The following CBLB variants were observed in gnomAD, a reference collection of about 807,000 sequenced individuals.
CBLB encodes the protein Cbl proto-oncogene B.
Under a neutral mutation model 104.9 loss-of-function variants are expected in CBLB, and 31 were observed. That is an observed-to-expected ratio of 0.30 (90% confidence interval 0.22 to 0.40). The LOEUF is 0.40. Ranked by LOEUF, CBLB falls within the 10% of genes least tolerant of loss-of-function variation. The pLI, the probability that CBLB is intolerant of heterozygous loss-of-function variation, is 1.00. For missense variants in CBLB, 1,062 were observed against 1,214.6 expected, an observed-to-expected ratio of 0.87 and a Z score of 1.87; for synonymous variants, 440 against 422.6, an observed-to-expected ratio of 1.04 and a Z score of -0.51.
rs1436862708 is a variant in CBLB, at chr3:105,658,650, AC to A, written c.*319del. ...AAACAAAACTAAACTAAAAACAAGA[AC>A]AAACTGCAACTTTGCCAAACTGTAA... On this transcript the variant is annotated 3_prime_UTR_variant, in exon 19 of 19. Transcript: ENST00000394030. 2.4e-6 allele frequency: 1 copy of A among 416,240 alleles called. No individual in the cohort carries two copies. The highest frequency in any genetic ancestry group is 2.0e-5 in the African/African-American group (1 of 51,204). The allele number at this position is 416,240 out of a possible 1,614,324, so 25.8% of individuals were successfully genotyped here.
At chr3:105,863,579 C>A (rs777562264) in intron 2 of CBLB, among the ~76,000 whole-genome samples, 12 of 152,116 alleles carry the variant, frequency 7.9e-5, no homozygotes, top group Non-Finnish European at 5.9e-5. Flanking sequence ...AGAAAGTTGA[C>A]TTGTATTCTT....
Position 105,658,844 on chromosome 3 carries a change from G to T in CBLB, c.*126C>A. 3.9e-6 allele frequency: 4 copies of T among 1,026,294 alleles called. No homozygotes were observed. Among genetic ancestry groups the T allele is most frequent in the Non-Finnish European group, 4.4e-6 (3 of 677,940 alleles). 63.6% of individuals were successfully genotyped at this position (1,026,294 alleles called of 1,614,324 possible). A position where few individuals can be genotyped will look rare whatever the true frequency, so the allele number is the denominator to read the frequency against. The stretch of plus-strand genomic sequence containing the variant: ...CTCCTTTGAGAAGCTGCACTCCCAA[G>T]CCTCTTCTCAAGCTGCTACACGAGG... On this transcript the variant is annotated 3_prime_UTR_variant, in exon 19 of 19. Transcript: ENST00000394030.
chr3:105,770,428 A>G (rs2078736469), intron 4 of CBLB, among the ~76,000 whole-genome samples: 1 of 152,200 alleles, frequency 6.6e-6, no homozygotes, highest in Non-Finnish European at 1.5e-5. Flanking sequence ...TAGGAGCCGC[A>G]GCAGGACTTC....
chr3:105,830,945 A>G (rs939400655), intron 3 of CBLB, among the ~76,000 whole-genome samples: 1 of 152,222 alleles, frequency 6.6e-6, no homozygotes, highest in African/African-American at 2.4e-5. Flanking sequence ...AGTGACACCA[A>G]ACTTCTAAGT....
At chr3:105,744,854 A>AG (rs1183715500) in intron 6 of CBLB, among the ~76,000 whole-genome samples, 1 of 152,154 alleles carries the variant, frequency 6.6e-6, no homozygotes, top group African/African-American at 2.4e-5. Flanking sequence ...TGCTCGAACC[A>AG]GGGAGTCGAA....
In CBLB at chr3:105,655,843, A is replaced by T. The variant is rs2063305383; in HGVS notation, c.*3127T>A. The T allele has an allele frequency of 4.6e-6, 1 of 219,566 alleles. No homozygotes were observed. The highest frequency in any genetic ancestry group is 9.1e-6 in the Non-Finnish European group (1 of 109,424). The allele number at this position is 219,566 out of a possible 1,614,324, so 13.6% of individuals were successfully genotyped here. On this transcript the variant is annotated 3_prime_UTR_variant, in exon 19 of 19. Coordinates refer to ENST00000394030, the MANE Select transcript of CBLB (RefSeq NM_170662.5). Reference sequence around the variant, plus strand: ...TCAAGTTGAAAATCTGAGAGAAAAAATAACGTTCGAACTGTAGGAAATGCT... The same window carrying T: ...TCAAGTTGAAAATCTGAGAGAAAAATTAACGTTCGAACTGTAGGAAATGCT...
chr3:105,767,315 T>C (rs1460917665), intron 4 of CBLB, among the ~76,000 whole-genome samples: 3 of 152,106 alleles, frequency 2.0e-5, no homozygotes, highest in Non-Finnish European at 4.4e-5. Flanking sequence ...GCTAGAAGAA[T>C]ATATATCTCA....
At chr3:105,718,967 GA>G (rs1255531502) in intron 10 of CBLB, among the ~76,000 whole-genome samples, 1 of 152,174 alleles carries the variant, frequency 6.6e-6, no homozygotes, top group Admixed American at 6.5e-5. Flanking sequence ...CTGGTTCATT[GA>G]CTAGTCTGTT....
intron 3 of CBLB, among the ~76,000 whole-genome samples, chr3:105,780,955 C>G (rs1265934145): frequency 6.6e-6 from 1 of 151,962 alleles, no homozygotes; most frequent in Non-Finnish European, 1.5e-5. Context: ...GCCACCACGC[C>G]TGGCCAATAA....
chr3:105,753,712 T>A (rs540202331), intron 4 of CBLB, among the ~76,000 whole-genome samples: 1 of 152,172 alleles, frequency 6.6e-6, no homozygotes, highest in Non-Finnish European at 1.5e-5. Context: ...GTATAACATA[T>A]AAAGTTTTTT....
At chr3:105,693,627 C>T (rs372418299) in intron 12 of CBLB, 39 bp from the exon 13 acceptor site, 2 of 1,393,292 alleles carry the variant, frequency 1.4e-6, no homozygotes, top group African/African-American at 2.8e-5. Flanking sequence ...AAGAATTTAA[C>T]TTCTGAAGGA....
At chr3:105,858,093 C>T (rs930684800) in intron 2 of CBLB, among the ~76,000 whole-genome samples, 4 of 152,104 alleles carry the variant, frequency 2.6e-5, no homozygotes, top group Non-Finnish European at 5.9e-5. Flanking sequence ...GTGAGTAGTA[C>T]GAGAGATCTG....
intron 9 of CBLB, 139 bp from the exon 10 acceptor site, chr3:105,720,389 A>C (rs2072625443): frequency 2.6e-5 from 19 of 724,040 alleles, no homozygotes; most frequent in South Asian, 9.5e-5. Context: ...ATTTCTCTTG[A>C]AGTGGTAGTG....
At chr3:105,832,198 C>A (rs1269191817) in intron 3 of CBLB, among the ~76,000 whole-genome samples, 1 of 152,074 alleles carries the variant, frequency 6.6e-6, no homozygotes, top group Non-Finnish European at 1.5e-5. Flanking sequence ...GACCCATATA[C>A]AACTAAGAAA....
chr3:105,829,701 AC>A (rs2087167801), intron 3 of CBLB, among the ~76,000 whole-genome samples: 33 of 77,636 alleles, frequency 4.3e-4, no homozygotes, highest in African/African-American at 8.2e-4. Flanking sequence ...AAAAAAAAAA[AC>A]CAAACTGCAG....
At chr3:105,723,418 G>C (rs1309594390) in intron 9 of CBLB, among the ~76,000 whole-genome samples, 2 of 152,058 alleles carry the variant, frequency 1.3e-5, no homozygotes, top group African/African-American at 4.8e-5. Context: ...CCTCGAATAA[G>C]AAATACTTCT....
chr3:105,765,162 T>G (rs1460748550), intron 4 of CBLB, among the ~76,000 whole-genome samples: 1 of 152,156 alleles, frequency 6.6e-6, no homozygotes, highest in African/African-American at 2.4e-5. Flanking sequence ...TTAATGTAGA[T>G]GAAACAGCCT....
rs534249491 is a variant in CBLB, at chr3:105,762,651, T to C, written c.567-11033A>G. Among the ~76,000 whole-genome samples, 5 of 152,336 alleles carry C rather than the reference T, an allele frequency of 3.3e-5. No individual in the cohort carries two copies. In the South Asian group the frequency reaches 6.2e-4, roughly 19 times the overall value. On this transcript the variant is annotated intron_variant, in intron 4 of 18. Coordinates refer to ENST00000394030, the MANE Select transcript of CBLB (RefSeq NM_170662.5). ...ATTTCAGAAGATGTATGGAAATGCTTGGACATCCAGGTAGAAGTTTGCTGC... is the reference window on the plus strand; with the variant it reads ...ATTTCAGAAGATGTATGGAAATGCTCGGACATCCAGGTAGAAGTTTGCTGC...
intron 3 of CBLB, among the ~76,000 whole-genome samples, chr3:105,845,845 T>C (rs887199814): frequency 1.1e-4 from 17 of 152,132 alleles, no homozygotes; most frequent in Non-Finnish European, 2.2e-4. Flanking sequence ...CTCAGATGCT[T>C]GAAATATGCA....
Sources: gnomAD v4.1 joint callset for allele counts (sites outside exome capture counted in the v4.1 genomes callset) on GRCh38, gnomAD v4.1.1 for gene constraint, MANE v1.5 for transcripts, NCBI Gene and HGNC (gene_info 2026-07-23, HGNC 2026-07-21) for gene names.